Variants in EBF1 observed in about 807,000 individuals in gnomAD.
The protein encoded by EBF1 is transcription factor COE1.
In EBF1, 10 loss-of-function variants were observed where a neutral mutation model predicts 68.4. The observed-to-expected ratio is 0.15, with a 90% CI of 0.09 to 0.25. EBF1 has a LOEUF of 0.25. Ranked by LOEUF, EBF1 falls within the 10% of genes least tolerant of loss-of-function variation. EBF1 has a pLI of 1.00. For synonymous variants in EBF1, 298 were observed against 299.8 expected (o/e 0.99, Z 0.06); for missense variants, 509 against 794.4 (o/e 0.64, Z 4.32).
At chr5:158,945,165 G>C (rs1000362272) in intron 6 of EBF1, among the ~76,000 whole-genome samples, 1 of 152,142 alleles carries the variant, frequency 6.6e-6, no homozygotes, top group Non-Finnish European at 1.5e-5. Flanking sequence ...GTCCTAAATG[G>C]TATTGCCTAG....
intron 6 of EBF1, among the ~76,000 whole-genome samples, chr5:158,916,512 G>C (rs1339450613): frequency 6.6e-6 from 1 of 152,106 alleles, no homozygotes; most frequent in Admixed American, 6.5e-5. Context: ...TTTAAGTCAT[G>C]AAATACTTAA....
chr5:158,731,710 A>G (rs185802832), intron 10 of EBF1, among the ~76,000 whole-genome samples: 2 of 152,314 alleles, frequency 1.3e-5, no homozygotes, highest in Admixed American at 1.3e-4. Flanking sequence ...AGAGTCTGCA[A>G]AGGGATGGGT....
At chr5:158,784,073 A>G (rs1002989984) in intron 9 of EBF1, among the ~76,000 whole-genome samples, 44 of 152,204 alleles carry the variant, frequency 2.9e-4, no homozygotes, top group African/African-American at 1.0e-3. Context: ...GATGGTAATG[A>G]CCTTGATAAC....
intron 14 of EBF1, among the ~76,000 whole-genome samples, chr5:158,710,614 A>T (rs1177431285): frequency 6.6e-6 from 1 of 152,178 alleles, no homozygotes; most frequent in Non-Finnish European, 1.5e-5. Context: ...GCTGATTCCA[A>T]ACTAAGATGA....
intron 6 of EBF1, among the ~76,000 whole-genome samples, chr5:158,896,447 A>T (rs1488319281): frequency 1.3e-5 from 2 of 152,222 alleles, no homozygotes; most frequent in Admixed American, 6.5e-5. Flanking sequence ...ATTTCTGAAG[A>T]CCTGTAATGT....
At chr5:158,713,979 T>C in intron 12 of EBF1, 138 bp downstream of exon 12, 4 of 800,092 alleles carry the variant, frequency 5.0e-6, no homozygotes, top group Non-Finnish European at 8.1e-6. Flanking sequence ...TCTTGCAACA[T>C]GTTATATCTG....
chr5:158,704,621 C>CTTTTTTTTTTTTTTTTT (rs767917753), intron 15 of EBF1, among the ~76,000 whole-genome samples: 1 of 151,298 alleles, frequency 6.6e-6, no homozygotes, highest in African/African-American at 2.4e-5. Flanking sequence ...TGCCTTCATC[C>CTTTTTTTTTTTTTTTTT]TTTTTTTCTT....
At chr5:158,990,135 A>C (rs1300764915) in intron 6 of EBF1, among the ~76,000 whole-genome samples, 2 of 152,154 alleles carry the variant, frequency 1.3e-5, no homozygotes, top group Non-Finnish European at 2.9e-5. Flanking sequence ...GGATTGGGGC[A>C]CCAAGGGGTT....
At chr5:158,886,956 C>A (rs1339618299) in intron 6 of EBF1, among the ~76,000 whole-genome samples, 1 of 152,200 alleles carries the variant, frequency 6.6e-6, no homozygotes, top group East Asian at 1.9e-4. Flanking sequence ...GAGCCGAGAT[C>A]GTGCCATTGC....
chr5:158,822,554 A>G (rs1785099192), intron 8 of EBF1, among the ~76,000 whole-genome samples: 1 of 152,170 alleles, frequency 6.6e-6, no homozygotes. Flanking sequence ...ATTTCTCCCT[A>G]CCAAAGTCTA....
chr5:158,730,641 G>A (rs1355785251), intron 11 of EBF1, among the ~76,000 whole-genome samples: 1 of 152,194 alleles, frequency 6.6e-6, no homozygotes, highest in Non-Finnish European at 1.5e-5. Context: ...GATCCTCGTA[G>A]ACAGAAATTT....
chr5:158,762,103 C>T (rs781729112), intron 10 of EBF1, among the ~76,000 whole-genome samples: 1 of 152,068 alleles, frequency 6.6e-6, no homozygotes, highest in Non-Finnish European at 1.5e-5. Context: ...ACCTCAACCC[C>T]CATTTACATA....
At chr5:159,035,121 GAGAA>G (rs1769769825) in intron 6 of EBF1, among the ~76,000 whole-genome samples, 1 of 152,138 alleles carries the variant, frequency 6.6e-6, no homozygotes, top group Non-Finnish European at 1.5e-5. Flanking sequence ...GGGAAAGAAA[GAGAA>G]AGAAAGAGAG....
intron 6 of EBF1, among the ~76,000 whole-genome samples, chr5:158,956,904 G>T (rs753458887): frequency 3.3e-5 from 5 of 151,948 alleles, no homozygotes; most frequent in Admixed American, 2.6e-4. Context: ...GACTACAGGC[G>T]CCTGCCACCA....
intron 11 of EBF1, among the ~76,000 whole-genome samples, chr5:158,716,836 G>A (rs762823182): frequency 1.3e-5 from 2 of 152,168 alleles, no homozygotes; most frequent in Admixed American, 1.3e-4. Context: ...CACACAGACA[G>A]AACATGACGA....
chr5:158,885,404 T>C (rs1799850194), intron 6 of EBF1, among the ~76,000 whole-genome samples: 1 of 152,152 alleles, frequency 6.6e-6, no homozygotes, highest in Admixed American at 6.5e-5. Flanking sequence ...GTTAAGTCAG[T>C]AATGCGGTCA....
chr5:159,043,121 C>T (rs576542532), intron 6 of EBF1, among the ~76,000 whole-genome samples: 1 of 152,166 alleles, frequency 6.6e-6, no homozygotes, highest in Non-Finnish European at 1.5e-5. Context: ...ATGGATGTTG[C>T]TTTCTCTATT....
chr5:158,969,808 G>A (rs1304869269), intron 6 of EBF1, among the ~76,000 whole-genome samples: 1 of 139,050 alleles, frequency 7.2e-6, no homozygotes, highest in Non-Finnish European at 1.5e-5. Flanking sequence ...GAGAGAGAGA[G>A]AAAGAAAGGA....
chr5:158,922,982 C>A (rs928853733), intron 6 of EBF1, among the ~76,000 whole-genome samples: 1 of 152,162 alleles, frequency 6.6e-6, no homozygotes, highest in Non-Finnish European at 1.5e-5. Context: ...CTAATTGCAG[C>A]CGAAATGAAT....
Sources: allele counts gnomAD v4.1 joint callset (sites outside exome capture counted in the v4.1 genomes callset), GRCh38; gene constraint gnomAD v4.1.1; transcripts MANE v1.5; gene names NCBI Gene and HGNC (gene_info 2026-07-23, HGNC 2026-07-21).